Variants in ZBTB7C observed in about 807,000 individuals in gnomAD.
ZBTB7C encodes zinc finger and BTB domain containing 7C.
Under a neutral mutation model 25.7 loss-of-function variants are expected in ZBTB7C, and 8 were observed. The ratio of observed to expected loss-of-function variants is 0.31; its 90% CI spans 0.18 to 0.56. ZBTB7C has a LOEUF of 0.56. Ranked by LOEUF, ZBTB7C falls within the 20% of genes least tolerant of loss-of-function variation. The pLI, the probability that ZBTB7C is intolerant of heterozygous loss-of-function variation, is 0.91. For synonymous variants in ZBTB7C, 394 were observed against 369.0 expected, an observed-to-expected ratio of 1.07 and a Z score of -0.78; for missense variants, 824 against 855.2, an observed-to-expected ratio of 0.96 and a Z score of 0.46.
intron 3 of ZBTB7C, among the ~76,000 whole-genome samples, chr18:48,135,725 T>A (rs1321182805): frequency 6.6e-6 from 1 of 152,170 alleles, no homozygotes; most frequent in Non-Finnish European, 1.5e-5. Flanking sequence ...TGGCAGAGCC[T>A]TTACCACCTC....
chr18:48,329,132 A>G (rs541500454), intron 2 of ZBTB7C, among the ~76,000 whole-genome samples: 2 of 152,346 alleles, frequency 1.3e-5, no homozygotes, highest in African/African-American at 2.4e-5. Flanking sequence ...GTCTCTCTCT[A>G]ATATAAAAAT....
chr18:48,048,617 A>G (rs1174310784), intron 3 of ZBTB7C, among the ~76,000 whole-genome samples: 1 of 152,206 alleles, frequency 6.6e-6, no homozygotes, highest in East Asian at 1.9e-4. Context: ...GCCTCCTGAT[A>G]TGTAGTCAGT....
At chr18:48,367,122 C>T in intron 1 of ZBTB7C, among the ~76,000 whole-genome samples, 1 of 141,910 alleles carries the variant, frequency 7.0e-6, no homozygotes, top group Non-Finnish European at 1.5e-5. Context: ...AGAGGGCTTC[C>T]CCTTCTGGGA....
chr18:48,234,814 G>T (rs1186190507), intron 2 of ZBTB7C, among the ~76,000 whole-genome samples: 2 of 152,116 alleles, frequency 1.3e-5, no homozygotes, highest in Non-Finnish European at 2.9e-5. Context: ...GCTCATGAGG[G>T]TGGATTTATC....
At chr18:48,029,973 T>C in intron 4 of ZBTB7C, 62 bp from the exon 5 acceptor site, 1 of 1,598,432 alleles carries the variant, frequency 6.3e-7, no homozygotes, top group Non-Finnish European at 8.5e-7. Flanking sequence ...CCTAACCTTT[T>C]GCTCCCCCTT....
chr18:48,195,250 T>C (rs577301214), intron 2 of ZBTB7C, among the ~76,000 whole-genome samples: 3 of 152,356 alleles, frequency 2.0e-5, no homozygotes, highest in Admixed American at 1.3e-4. Context: ...ACCATACTCA[T>C]ATGGTGATAT....
chr18:48,216,343 T>C (rs2042822559), intron 2 of ZBTB7C, among the ~76,000 whole-genome samples: 1 of 151,608 alleles, frequency 6.6e-6, no homozygotes, highest in African/African-American at 2.4e-5. Context: ...CCTGAGGGGG[T>C]AGAAAATGCA....
rs1423777481 is a variant in ZBTB7C at position 48,029,424 on chromosome 18, C to T, written c.1696G>A (p.Ala566Thr). The change falls in exon 5 of 5, where the codon GCT (alanine) becomes ACT (threonine). Residue 566 changes from alanine (A) to threonine (T), a missense_variant. Transcript: ENST00000590800. ...MKLFGRAQLE[A>T]ERNAGGLLAF... Reference sequence around the variant, plus strand: ...AGGAGGCCCCCCGCGTTCCTCTCAGCCTCCAGCTGCGCGCGCCCGAACAGC... The same window carrying T: ...AGGAGGCCCCCCGCGTTCCTCTCAGTCTCCAGCTGCGCGCGCCCGAACAGC... 3 of 1,585,456 alleles carry T rather than the reference C, an allele frequency of 1.9e-6. No homozygotes were observed. The highest frequency in any genetic ancestry group is 1.4e-5 in the African/African-American group (1 of 73,344).
intron 1 of ZBTB7C, among the ~76,000 whole-genome samples, chr18:48,373,102 T>C (rs565624601): frequency 6.6e-6 from 1 of 152,324 alleles, no homozygotes; most frequent in East Asian, 1.9e-4. Context: ...TCTCCCCAGA[T>C]CCCATGATAT....
At position 48,029,411 on chromosome 18, in the gene ZBTB7C, G is replaced by A. The variant is rs1598737067; in HGVS notation, c.1709C>T (p.Ala570Val). Reference sequence around the variant, plus strand: ...CAGCGCGAAGGCCAGGAGGCCCCCCGCGTTCCTCTCAGCCTCCAGCTGCGC... The same window carrying A: ...CAGCGCGAAGGCCAGGAGGCCCCCCACGTTCCTCTCAGCCTCCAGCTGCGC... ...GRAQLEAERN[A>V]GGLLAFALAE... The change falls in exon 5 of 5, where the codon GCG (alanine) becomes GTG (valine). Residue 570 changes from alanine to valine, a missense_variant. Physicochemically the swap from Ala to Val is moderately conservative, Grantham distance 64. Transcript: ENST00000590800. 6.3e-7 allele frequency: 1 copy of A among 1,576,122 alleles called. No individual in the cohort carries two copies. The highest frequency in any genetic ancestry group is 1.1e-5 in the South Asian group (1 of 87,326).
At chr18:48,295,659 A>C (rs1344500197) in intron 2 of ZBTB7C, among the ~76,000 whole-genome samples, 1 of 151,978 alleles carries the variant, frequency 6.6e-6, no homozygotes, top group Non-Finnish European at 1.5e-5. Context: ...TACAAAGCTC[A>C]TTTTACTGGC....
rs114982537 is a variant in ZBTB7C at position 48,284,531 on chromosome 18, T to C, written c.-79+53643A>G. Among the ~76,000 whole-genome samples the C allele has an allele frequency of 7.2e-3, 1,103 of 152,186 alleles. 12 individuals are homozygous for C. The highest frequency in any genetic ancestry group is 0.025 in the African/African-American group (1,054 of 41,534). On this transcript the variant is annotated intron_variant, in intron 2 of 4. Transcript: ENST00000590800. ...TCATCCGGCTGGGCGTGGTGGCTTA[T>C]ACCCGTAATCCCAGCACTTTGGGAG...
intron 2 of ZBTB7C, among the ~76,000 whole-genome samples, chr18:48,245,263 A>G (rs1442949713): frequency 5.3e-5 from 8 of 151,390 alleles, no homozygotes; most frequent in African/African-American, 1.7e-4. Context: ...TATAAGTGGA[A>G]GCTAAGCTAT....
chr18:48,305,767 A>T (rs2045658055), intron 2 of ZBTB7C, among the ~76,000 whole-genome samples: 1 of 152,158 alleles, frequency 6.6e-6, no homozygotes, highest in Non-Finnish European at 1.5e-5. Flanking sequence ...AGGATTTGGT[A>T]TGGACAGAGA....
At chr18:48,229,200 C>A (rs765500149) in intron 2 of ZBTB7C, among the ~76,000 whole-genome samples, 3 of 152,180 alleles carry the variant, frequency 2.0e-5, no homozygotes, top group African/African-American at 7.2e-5. Context: ...GTGCCACCAG[C>A]CTTCCTGCCC....
At chr18:48,138,509 A>G (rs1008253596) in intron 3 of ZBTB7C, among the ~76,000 whole-genome samples, 3 of 152,094 alleles carry the variant, frequency 2.0e-5, no homozygotes, top group African/African-American at 7.2e-5. Context: ...ATAGACTAGA[A>G]TGCATCTGTC....
At chr18:48,226,395 C>A (rs923175911) in intron 2 of ZBTB7C, among the ~76,000 whole-genome samples, 1 of 152,200 alleles carries the variant, frequency 6.6e-6, no homozygotes, top group African/African-American at 2.4e-5. Context: ...CCTTAACAAT[C>A]AATCACAATC....
chr18:48,253,477 A>T (rs1430411429), intron 2 of ZBTB7C, among the ~76,000 whole-genome samples: 1 of 152,176 alleles, frequency 6.6e-6, no homozygotes. Flanking sequence ...AACTAATGTG[A>T]GCCCTACAAT....
chr18:48,301,720 T>C (rs150600656), intron 2 of ZBTB7C, among the ~76,000 whole-genome samples: 3 of 152,134 alleles, frequency 2.0e-5, no homozygotes, highest in East Asian at 1.9e-4. Flanking sequence ...ATGAGAGGCA[T>C]TGGGGGTTCT....
Sources: allele counts gnomAD v4.1 joint callset (sites outside exome capture counted in the v4.1 genomes callset), GRCh38; gene constraint gnomAD v4.1.1; transcripts MANE v1.5; gene names NCBI Gene and HGNC (gene_info 2026-07-23, HGNC 2026-07-21).